SF3B1: variants seen among roughly 807,000 people sequenced by gnomAD.
SF3B1 encodes the protein pre-mRNA processing 10.
SF3B1 carries 12 observed loss-of-function variants against 153.8 expected under a neutral mutation model. The ratio of observed to expected loss-of-function variants is 0.08; its 90% CI spans 0.05 to 0.13. The LOEUF (loss-of-function observed/expected upper bound fraction) is 0.13, where lower values mean the gene tolerates loss of function less well. Among genes scored for constraint, SF3B1 ranks in the 10% least tolerant of loss-of-function variants. The pLI, the probability that SF3B1 is intolerant of heterozygous loss-of-function variation, is 1.00. For missense variants in SF3B1, 513 were observed against 1,606.1 expected, an observed-to-expected ratio of 0.32 and a Z score of 11.63; for synonymous variants, 498 against 525.2, an observed-to-expected ratio of 0.95 and a Z score of 0.71.
At chr2:197,425,703 C>T (rs183635754) in intron 1 of SF3B1, among the ~76,000 whole-genome samples, 17 of 152,018 alleles carry the variant, frequency 1.1e-4, no homozygotes, top group East Asian at 7.8e-4. Context: ...AACAGGAGCA[C>T]GTCTCACAAA....
chr2:197,391,134 A>G lies in SF3B1; in HGVS notation c.*1169T>C, dbSNP rs1247416999. On this transcript the variant is annotated 3_prime_UTR_variant, in exon 25 of 25. Transcript: ENST00000335508. The stretch of plus-strand genomic sequence containing the variant: ...TAACATTAGAAAAGTTTGAAAATAT[A>G]CTTTACATATTTGCTTAAAAAATTA... The G allele has an allele frequency of 6.6e-6, 1 of 152,222 alleles. No individual in the cohort carries two copies. Among genetic ancestry groups the G allele is most frequent in the East Asian group, 1.9e-4 (1 of 5,204 alleles). The allele number at this position is 152,222 out of a possible 1,614,324, so 9.4% of individuals were successfully genotyped here.
At chr2:197,398,625 C>T (rs540345394) in intron 20 of SF3B1, 44 bp from the exon 21 acceptor site, 1 of 1,574,268 alleles carries the variant, frequency 6.4e-7, no homozygotes, top group South Asian at 1.1e-5. Context: ...TGAATTGCAA[C>T]TTTTGTTCAC....
In SF3B1 at chr2:197,405,379, G is replaced by A. The variant is rs1318001866; in HGVS notation, c.1333C>T (p.His445Tyr). Reference sequence around the variant, plus strand: ...ATAGTTCGATCTTCAGTTTGCATGTGGAAACCAGTCATACCACCCAAAGGT... The same window carrying A: ...ATAGTTCGATCTTCAGTTTGCATGTAGAAACCAGTCATACCACCCAAAGGT... The part of the protein sequence containing the change: ...PTPLGGMTGF[H>Y]MQTEDRTMKS... Residue 445 changes from histidine to tyrosine, a missense_variant, in exon 10 of 25, where the codon CAC (histidine) becomes TAC (tyrosine). By Grantham distance (83) the His-to-Tyr change is moderately conservative (BLOSUM62 2). Transcript: ENST00000335508. The A allele has an allele frequency of 1.2e-6, 2 of 1,613,866 alleles. No individual in the cohort carries two copies. Among genetic ancestry groups the A allele is most frequent in the Admixed American group, 1.7e-5 (1 of 59,994 alleles).
chr2:197,414,555 T>A (rs2085119195), intron 6 of SF3B1, among the ~76,000 whole-genome samples: 2 of 152,374 alleles, frequency 1.3e-5, no homozygotes, highest in Admixed American at 1.3e-4. Context: ...ATTCTTGGTA[T>A]GCTAAATCAT....
chr2:197,393,241 G>A (rs2105974972), intron 23 of SF3B1, 53 bp from the exon 24 acceptor site: 1 of 1,161,610 alleles, frequency 8.6e-7, no homozygotes, highest in Non-Finnish European at 1.3e-6. Context: ...AAGAAAGGGG[G>A]AAAAATCCTT....
chr2:197,393,610 G>A lies in SF3B1; in HGVS notation c.3540-422C>T, dbSNP rs1394057130. On this transcript the variant is annotated intron_variant, in intron 23 of 24. Transcript: ENST00000335508. ...TGGAATTACAGGTGTGTGCCACCAC[G>A]CCTGCCTAATTTTTGTATTTTTAGT... Among the ~76,000 whole-genome samples the A allele has an allele frequency of 3.3e-5, 5 of 151,992 alleles. No individual in the cohort carries two copies. The East Asian group carries it at 5.8e-4, about 18-fold the overall frequency.
intron 6 of SF3B1, among the ~76,000 whole-genome samples, chr2:197,411,227 T>C (rs1206871684): frequency 6.6e-6 from 1 of 152,230 alleles, no homozygotes; most frequent in Non-Finnish European, 1.5e-5. Flanking sequence ...GACAACTGAC[T>C]GCATGTAATA....
chr2:197,399,925 AC>A (rs1427482644), intron 20 of SF3B1, 129 bp downstream of exon 20: 3 of 641,148 alleles, frequency 4.7e-6, no homozygotes, highest in East Asian at 2.8e-5. Flanking sequence ...CGACTTAACT[AC>A]AATCTTGAAG....
intron 5 of SF3B1, 113 bp from the exon 6 acceptor site, chr2:197,417,024 T>C (rs1351417535): frequency 2.0e-6 from 2 of 1,006,594 alleles, no homozygotes; most frequent in Non-Finnish European, 2.9e-6. Flanking sequence ...TTCTCTTTTC[T>C]ATGTACTGGT....
intron 1 of SF3B1, among the ~76,000 whole-genome samples, chr2:197,432,926 AAT>A (rs1416247731): frequency 6.6e-6 from 1 of 152,224 alleles, no homozygotes; most frequent in Non-Finnish European, 1.5e-5. Context: ...AAAATAAATA[AAT>A]AGTTATCAGT....
intron 1 of SF3B1, among the ~76,000 whole-genome samples, chr2:197,431,451 A>G (rs2085435497): frequency 6.6e-6 from 1 of 152,080 alleles, no homozygotes; most frequent in African/African-American, 2.4e-5. Context: ...AGATCCTGCT[A>G]AACCCAACTT....
At chr2:197,424,488 T>G (rs2085299960) in intron 1 of SF3B1, among the ~76,000 whole-genome samples, 1 of 135,048 alleles carries the variant, frequency 7.4e-6, no homozygotes, top group Non-Finnish European at 1.5e-5. Flanking sequence ...CAAGACTCTA[T>G]CTCTCAAAAA....
At chr2:197,406,636 A>G (rs2084996691) in intron 9 of SF3B1, among the ~76,000 whole-genome samples, 1 of 152,250 alleles carries the variant, frequency 6.6e-6, no homozygotes, top group Non-Finnish European at 1.5e-5. Context: ...ATCAATGACT[A>G]CGACTGAGAA....
chr2:197,412,372 T>TTATC (rs1254526914), intron 6 of SF3B1, among the ~76,000 whole-genome samples: 2 of 147,972 alleles, frequency 1.4e-5, no homozygotes, highest in African/African-American at 2.5e-5. Context: ...ATTTATTTAT[T>TTATC]TGAGACAGAG....
chr2:197,410,074 TA>T, intron 6 of SF3B1, 67 bp from the exon 7 acceptor site: 1 of 1,120,102 alleles, frequency 8.9e-7, no homozygotes, highest in Non-Finnish European at 1.3e-6. Context: ...TTCCATAAAA[TA>T]AAAAACTTTA....
At chr2:197,406,525 A>G (rs2084995146) in intron 9 of SF3B1, among the ~76,000 whole-genome samples, 1 of 152,194 alleles carries the variant, frequency 6.6e-6, no homozygotes, top group Non-Finnish European at 1.5e-5. Context: ...CTTGCCATTA[A>G]GGATTTAAAG....
rs1334294248 is a variant in SF3B1, at chr2:197,393,188, T to C, written c.3540A>G (p.Arg1180=). 4 of 1,611,040 alleles carry C rather than the reference T, an allele frequency of 2.5e-6. No individual in the cohort carries two copies. The South Asian group carries it at 4.4e-5, about 18-fold the overall frequency. ...TPLLEDALMD[R]DLVHRQTASA... ...TAGCCGTCTGTCTGTGTACAAGGTC[T>C]CTACAACGGAAGGGAAAAAAGTCCT... The change falls in exon 24 of 25, where the codon AGA becomes AGG. Residue 1180 remains arginine, a splice_region_variant and synonymous_variant. Transcript: ENST00000335508.
chr2:197,434,456 A>G (rs1220499936), intron 1 of SF3B1, among the ~76,000 whole-genome samples: 1 of 152,222 alleles, frequency 6.6e-6, no homozygotes. Flanking sequence ...TTTATCCCCA[A>G]ATCGTTTCGT....
chr2:197,418,724 T>A, intron 4 of SF3B1, 136 bp from the exon 5 acceptor site: 2 of 1,449,886 alleles, frequency 1.4e-6, no homozygotes, highest in African/African-American at 2.9e-5. Flanking sequence ...AAAACTTTAA[T>A]AATTATACAT....
Sources: gnomAD v4.1 joint callset for allele counts (sites outside exome capture counted in the v4.1 genomes callset) on GRCh38, gnomAD v4.1.1 for gene constraint, MANE v1.5 for transcripts, NCBI Gene and HGNC (gene_info 2026-07-23, HGNC 2026-07-21) for gene names.